Variants in PYCR2 observed in about 807,000 individuals in gnomAD.
The protein encoded by PYCR2 is P5C reductase 2.
Under a neutral mutation model 23.4 loss-of-function variants are expected in PYCR2, and 17 were observed. The ratio of observed to expected loss-of-function variants is 0.73; its 90% CI spans 0.50 to 1.09. The LOEUF is 1.09. Among genes scored for constraint, PYCR2 ranks in the 50% least tolerant of loss-of-function variants. PYCR2 has a pLI of 0.00. For missense variants in PYCR2, 380 were observed against 423.5 expected (o/e 0.90, Z 0.90); for synonymous variants, 172 against 176.6 (o/e 0.97, Z 0.21).
chr1:225,923,812 G>C, intron 1 of PYCR2, 41 bp from the exon 2 acceptor site: 2 of 1,613,156 alleles, frequency 1.2e-6, no homozygotes, highest in Non-Finnish European at 8.5e-7. Context: ...TCGCGGCCCA[G>C]CCCGTTACCA....
chr1:225,921,961 C>T lies in PYCR2; in HGVS notation c.437G>A (p.Gly146Glu), dbSNP rs756129354. 61 of 1,614,004 alleles carry T rather than the reference C, an allele frequency of 3.8e-5. No homozygotes were observed. The highest frequency in any genetic ancestry group is 4.9e-5 in the Non-Finnish European group (58 of 1,180,018). Residue 146 changes from glycine (G) to glutamate (E), a missense_variant, in exon 4 of 7, where the codon GGG becomes GAG. Coordinates refer to ENST00000343818, the MANE Select transcript of PYCR2 (RefSeq NM_013328.4). This position sits in a 1 kb window ranked among gnomAD's most constrained non-coding sequence, Gnocchi z 4.2. ...ATGTHALVEDGQLLEQLMSSV... is the reference protein window; with the variant it reads ...ATGTHALVEDEQLLEQLMSSV... Reference sequence around the variant, plus strand: ...GCTCATGAGCTGCTCCAGGAGCTGCCCATCCTCCACCAGGGCATGGGTGCC... The same window carrying T: ...GCTCATGAGCTGCTCCAGGAGCTGCTCATCCTCCACCAGGGCATGGGTGCC...
At chr1:225,923,094 T>G (rs1671890075) in intron 2 of PYCR2, 1 of 875,446 alleles carries the variant, frequency 1.1e-6, no homozygotes. Context: ...GGCTGAGTAC[T>G]TTAAGGTCAT....
At position 225,922,042 on chromosome 1, in the gene PYCR2, C is replaced by G; in HGVS notation, c.356G>C (p.Arg119Pro). Residue 119 changes from arginine (R) to proline (P), a missense_variant, in exon 4 of 7, where the codon CGC becomes CCC. Arg to Pro is a moderately radical substitution (Grantham distance 103, BLOSUM62 -2). Transcript: ENST00000343818. ...TACCACAGGTGTGTTGGTCATGCAG[C>G]GAATCACTTTGGGGGCTGGCTGGAA... ...MAFQPAPKVI[R>P]CMTNTPVVVQ... 6.2e-7 allele frequency: 1 copy of G among 1,614,158 alleles called. No homozygotes were observed. The highest frequency in any genetic ancestry group is 8.5e-7 in the Non-Finnish European group (1 of 1,180,024).
Position 225,921,294 on chromosome 1 carries a change from G to A in PYCR2, c.711C>T (p.Ala237=). ...LKDNVCSPGG[A]TIHALHFLES... is the part of the protein sequence containing the mutation. Reference sequence around the variant, plus strand: ...CTAGAAAGTGCAGGGCGTGGATGGTGGCTCCCCCAGGGGAGCAGACATTGT... The same window carrying A: ...CTAGAAAGTGCAGGGCGTGGATGGTAGCTCCCCCAGGGGAGCAGACATTGT... The change falls in exon 6 of 7, where the codon GCC becomes GCT. Residue 237 remains alanine (A), a synonymous_variant. Coordinates refer to ENST00000343818, the MANE Select transcript of PYCR2 (RefSeq NM_013328.4). This position sits in a 1 kb window ranked among gnomAD's most constrained non-coding sequence, Gnocchi z 4.2. 6.2e-7 allele frequency: 1 copy of A among 1,604,202 alleles called. No homozygotes were observed. The highest frequency in any genetic ancestry group is 8.5e-7 in the Non-Finnish European group (1 of 1,170,962).
chr1:225,923,854 C>G (rs1671917287), intron 1 of PYCR2, 83 bp from the exon 2 acceptor site: 1 of 1,575,842 alleles, frequency 6.3e-7, no homozygotes, highest in Admixed American at 1.8e-5. Flanking sequence ...CCAGAGCCGT[C>G]CTAACAGTGC....
At chr1:225,923,811 A>C in intron 1 of PYCR2, 40 bp from the exon 2 acceptor site, 1 of 1,613,330 alleles carries the variant, frequency 6.2e-7, no homozygotes, top group Non-Finnish European at 8.5e-7. Flanking sequence ...GTCGCGGCCC[A>C]GCCCGTTACC....
Position 225,920,319 on chromosome 1 carries a change from A to T in PYCR2, c.*136T>A, listed in dbSNP as rs986714784. The stretch of plus-strand genomic sequence containing the variant: ...GATTTAAGGAGGTTTTATCACAAGG[A>T]CCTGAAAACTTCCTAAGCATGCTTT... On this transcript the variant is annotated 3_prime_UTR_variant, in exon 7 of 7. Transcript: ENST00000343818. 3 of 791,356 alleles carry T rather than the reference A, an allele frequency of 3.8e-6. No individual in the cohort carries two copies. Among genetic ancestry groups the T allele is most frequent in the Non-Finnish European group, 5.5e-6 (3 of 541,434 alleles). The allele number at this position is 791,356 out of a possible 1,614,324, so 49.0% of individuals were successfully genotyped here.
In PYCR2 at chr1:225,924,220, G is replaced by A. The variant is rs1019863896; in HGVS notation, c.-110C>T. 2.0e-5 allele frequency: 25 copies of A among 1,244,424 alleles called. No homozygotes were observed. The highest frequency in any genetic ancestry group is 2.7e-5 in the Non-Finnish European group (25 of 918,536). The allele number at this position is 1,244,424 out of a possible 1,614,324, so 77.1% of individuals were successfully genotyped here. A position where few individuals can be genotyped will look rare whatever the true frequency, so the allele number is the denominator to read the frequency against. ...CAGGGGCGAACGGGCGGCGTGCCGA[G>A]GACCGGCGAGCTAACAGCAGCTTCT... On this transcript the variant is annotated 5_prime_UTR_variant, in exon 1 of 7. Transcript: ENST00000343818.
rs1671856457 is a variant in PYCR2, at chr1:225,922,053, G to A, written c.345C>T (p.Pro115=). 6.2e-7 allele frequency: 1 copy of A among 1,614,018 alleles called. No individual in the cohort carries two copies. Among genetic ancestry groups the A allele is most frequent in the Admixed American group, 1.7e-5 (1 of 59,992 alleles). ...EKKLMAFQPA[P]KVIRCMTNTP... ...TGTTGGTCATGCAGCGAATCACTTT[G>A]GGGGCTGGCTGGAATGCCATCAGCT... The change falls in exon 4 of 7, where the codon CCC becomes CCT. Residue 115 remains proline (P), a synonymous_variant. Transcript: ENST00000343818.
chr1:225,920,722 C>T lies in PYCR2; in HGVS notation c.798-102G>A, dbSNP rs749924404. ...ACAACCCTCAAGCTTGTTGATGTGA[C>T]ACCACCAAAAATTAGAGCCCCAAGA... On this transcript the variant is annotated intron_variant, in intron 6 of 6. Transcript: ENST00000343818. The T allele has an allele frequency of 8.5e-5, 116 of 1,365,264 alleles. No homozygotes were observed. In the Middle Eastern group the frequency reaches 8.7e-4, roughly 10 times the overall value. The allele number at this position is 1,365,264 out of a possible 1,614,324, so 84.6% of individuals were successfully genotyped here. A position where few individuals can be genotyped will look rare whatever the true frequency, so the allele number is the denominator to read the frequency against.
chr1:225,919,947 C>CT lies in PYCR2; in HGVS notation c.*507dup, dbSNP rs1671795274. 1 of 152,446 alleles carries CT rather than the reference C, an allele frequency of 6.6e-6. No homozygotes were observed. Among genetic ancestry groups the CT allele is most frequent in the Non-Finnish European group, 1.5e-5 (1 of 68,212 alleles). 9.4% of individuals were successfully genotyped at this position (152,446 alleles called of 1,614,324 possible). A position where few individuals can be genotyped will look rare whatever the true frequency, so the allele number is the denominator to read the frequency against. On this transcript the variant is annotated 3_prime_UTR_variant, in exon 7 of 7. Coordinates refer to ENST00000343818, the MANE Select transcript of PYCR2 (RefSeq NM_013328.4). Reference sequence around the variant, plus strand: ...AAATAACACTCTTTAAATGGTACACCTATGAAGCAAGAGTTAAATATAAAC... The same window carrying CT: ...AAATAACACTCTTTAAATGGTACACCTTATGAAGCAAGAGTTAAATATAAAC...
rs2102674688 is a variant in PYCR2 at position 225,924,128 on chromosome 1, T to C, written c.-18A>G. 1.3e-6 allele frequency: 2 copies of C among 1,537,246 alleles called. No individual in the cohort carries two copies. The highest frequency in any genetic ancestry group is 2.4e-5 in the East Asian group (1 of 40,836). On this transcript the variant is annotated 5_prime_UTR_variant, in exon 1 of 7. Coordinates refer to ENST00000343818, the MANE Select transcript of PYCR2 (RefSeq NM_013328.4). Reference sequence around the variant, plus strand: ...ACGCTCATGGTCCGCGGTTCACGCCTCCTGGGAGCCGCACGAACCCCCTCA... The same window carrying C: ...ACGCTCATGGTCCGCGGTTCACGCCCCCTGGGAGCCGCACGAACCCCCTCA...
At position 225,921,879 on chromosome 1, in the gene PYCR2, G is replaced by A. The variant is rs1243762740; in HGVS notation, c.519C>T (p.Leu173=). Residue 173 remains leucine, a synonymous_variant, in exon 4 of 7, where the codon CTC becomes CTT. Coordinates refer to ENST00000343818, the MANE Select transcript of PYCR2 (RefSeq NM_013328.4). This position sits in a 1 kb window ranked among gnomAD's most constrained non-coding sequence, Gnocchi z 4.2. The part of the protein sequence containing the change: ...EEDLIDAVTG[L]SGSGPAYAFM... ...TCACATAGGCAGGCCCGCTGCCACT[G>A]AGCCCCGTGACGGCATCGATGAGGT... The A allele has an allele frequency of 6.2e-7, 1 of 1,613,156 alleles. No homozygotes were observed. Among genetic ancestry groups the A allele is most frequent in the South Asian group, 1.1e-5 (1 of 91,048 alleles).
Position 225,922,536 on chromosome 1 carries a change from T to TA in PYCR2, c.139-154dup, listed in dbSNP as rs1671871657. 4 of 702,750 alleles carry TA rather than the reference T, an allele frequency of 5.7e-6. No homozygotes were observed. The Admixed American group carries it at 8.7e-5, about 15-fold the overall frequency. 43.5% of individuals were successfully genotyped at this position (702,750 alleles called of 1,614,324 possible). A position where few individuals can be genotyped will look rare whatever the true frequency, so the allele number is the denominator to read the frequency against. ...CTCAGGGTTCTACCCCTACCCCAAA[T>TA]AATACAGTTTCCCATTGTTGCTACT... On this transcript the variant is annotated intron_variant, in intron 2 of 6. Coordinates refer to ENST00000343818, the MANE Select transcript of PYCR2 (RefSeq NM_013328.4).
Position 225,924,091 on chromosome 1 carries a change from C to G in PYCR2, c.20G>C (p.Gly7Ala), listed in dbSNP as rs915767688. The change falls in exon 1 of 7, where the codon GGG becomes GCG. Residue 7 changes from glycine (G) to alanine (A), a missense_variant. Physicochemically the swap from Gly to Ala is moderately conservative, Grantham distance 60. Transcript: ENST00000343818. MSVGFI[G>A]AGQLAYALAR... is the part of the protein sequence containing the mutation. ...CAGAGCATAGGCCAGCTGGCCGGCC[C>G]CGATGAAGCCCACGCTCATGGTCCG... 4.5e-6 allele frequency: 7 copies of G among 1,545,416 alleles called. No homozygotes were observed. Among genetic ancestry groups the G allele is most frequent in the African/African-American group, 2.7e-5 (2 of 73,292 alleles).
At chr1:225,922,130 GCACC>G in intron 3 of PYCR2, 51 bp from the exon 4 acceptor site, 1 of 1,606,806 alleles carries the variant, frequency 6.2e-7, no homozygotes, top group Non-Finnish European at 8.5e-7. Context: ...GCTCCCACCA[GCACC>G]CACCCATTAG....
Position 225,923,762 on chromosome 1 carries a change from G to A in PYCR2, c.77C>T (p.Ser26Leu). 3 of 1,614,136 alleles carry A rather than the reference G, an allele frequency of 1.9e-6. No individual in the cohort carries two copies. Among genetic ancestry groups the A allele is most frequent in the Non-Finnish European group, 2.5e-6 (3 of 1,180,018 alleles). Residue 26 changes from serine (S) to leucine (L), a missense_variant, in exon 2 of 7, where the codon TCG (serine) becomes TTG (leucine). By Grantham distance (145) the Ser-to-Leu change is moderately radical. Coordinates refer to ENST00000343818, the MANE Select transcript of PYCR2 (RefSeq NM_013328.4). ...GGAGCTGGCTATTATCTTGTGAGCC[G>A]ACAGGATGCCTGCAGAAGACAGAGC... is the stretch of plus-strand genomic sequence containing the variant. ...ARGFTAAGIL[S>L]AHKIIASSPE...
intron 1 of PYCR2, 46 bp downstream of exon 1, chr1:225,923,998 G>A: frequency 6.5e-7 from 1 of 1,530,806 alleles, no homozygotes; most frequent in Non-Finnish European, 8.8e-7. Flanking sequence ...GCCCCCTCGG[G>A]CCTCGGGACC....
intron 2 of PYCR2, chr1:225,923,454 A>C (rs1671905389): frequency 1.5e-6 from 2 of 1,366,188 alleles, no homozygotes; most frequent in Non-Finnish European, 1.9e-6. Flanking sequence ...CTTTCATCAC[A>C]TAATCACCTC....
Sources: allele counts gnomAD v4.1 joint callset, GRCh38; gene constraint gnomAD v4.1.1; non-coding constraint Gnocchi (gnomAD v3.1); transcripts MANE v1.5; gene names NCBI Gene and HGNC (gene_info 2026-07-23, HGNC 2026-07-21).